Variants in STAT4 observed in about 807,000 individuals in gnomAD.
STAT4 encodes signal transducer and activator of transcription 4.
Under a neutral mutation model 110.5 loss-of-function variants are expected in STAT4, and 42 were observed. The observed-to-expected ratio is 0.38, with a 90% confidence interval of 0.30 to 0.49. The LOEUF (loss-of-function observed/expected upper bound fraction) is 0.49, where lower values mean the gene tolerates loss of function less well. STAT4 is among the 20% of genes least tolerant of loss of function. The pLI is 0.95. For missense variants in STAT4, 632 were observed against 887.9 expected (o/e 0.71, Z 3.66); for synonymous variants, 284 against 302.2 (o/e 0.94, Z 0.63).
intron 3 of STAT4, among the ~76,000 whole-genome samples, chr2:191,094,309 GA>G (rs1241997463): frequency 6.6e-6 from 1 of 152,232 alleles, no homozygotes; most frequent in Admixed American, 6.5e-5. Context: ...AAGTTGAAAT[GA>G]AGGATAAATT....
intron 14 of STAT4, among the ~76,000 whole-genome samples, chr2:191,047,970 G>A (rs1696396995): frequency 6.6e-6 from 1 of 152,124 alleles, no homozygotes; most frequent in Non-Finnish European, 1.5e-5. Flanking sequence ...CTGGTCTATA[G>A]TTTAATTTCT....
At position 191,135,278 on chromosome 2, in the gene STAT4, C is replaced by G. The variant is rs1466977511; in HGVS notation, c.273+11335G>C. On this transcript the variant is annotated intron_variant, in intron 3 of 23. Transcript: ENST00000392320. The surrounding 1 kb of genome is among the most constrained non-coding windows in gnomAD (Gnocchi z 4.8). ...ATCAGAGACAATTATGAAAAATACA[C>G]TAACAAGCTGGAAAACCTAGAAGAA... Among the ~76,000 whole-genome samples, 1 of 152,088 alleles carries G rather than the reference C, an allele frequency of 6.6e-6. No homozygotes were observed. Among genetic ancestry groups the G allele is most frequent in the Non-Finnish European group, 1.5e-5 (1 of 67,994 alleles).
chr2:191,077,285 T>G lies in STAT4; in HGVS notation c.274-960A>C, dbSNP rs192204770. ...CCAGGGTTGACACAGTGCCTACCAG[T>G]GAGTGTCCCAAGCACTCATTTACCT... On this transcript the variant is annotated intron_variant, in intron 3 of 23. Coordinates refer to ENST00000392320, the MANE Select transcript of STAT4 (RefSeq NM_003151.4). The surrounding 1 kb of genome is among the most constrained non-coding windows in gnomAD (Gnocchi z 4.1). Among the ~76,000 whole-genome samples the G allele has an allele frequency of 1.4e-3, 212 of 152,310 alleles. 1 individual carries two copies. The highest frequency in any genetic ancestry group is 0.011 in the Admixed American group (164 of 15,294).
rs372439532 is a variant in STAT4, at chr2:191,046,261, G to A, written c.1252-5113C>T. 9.2e-5 allele frequency among the ~76,000 whole-genome samples: 14 copies of A among 152,276 alleles called. No homozygotes were observed. The highest frequency in any genetic ancestry group is 3.4e-4 in the African/African-American group (14 of 41,552). ...TAACAAACTGTTAACATATGTTCTA[G>A]CCTCCTGCCTTGACATATCCTTCAC... On this transcript the variant is annotated intron_variant, in intron 14 of 23. Coordinates refer to ENST00000392320, the MANE Select transcript of STAT4 (RefSeq NM_003151.4). This position sits in a 1 kb window ranked among gnomAD's most constrained non-coding sequence, Gnocchi z 4.6.
intron 14 of STAT4, among the ~76,000 whole-genome samples, chr2:191,048,506 T>A (rs1696415804): frequency 6.6e-6 from 1 of 151,650 alleles, no homozygotes; most frequent in African/African-American, 2.4e-5. Flanking sequence ...CCGGGCACAG[T>A]GGCTCACGCC....
intron 3 of STAT4, among the ~76,000 whole-genome samples, chr2:191,081,246 G>A (rs898103789): frequency 6.6e-6 from 1 of 152,172 alleles, no homozygotes; most frequent in East Asian, 1.9e-4. Context: ...TATCATTGAT[G>A]AGCATCTGGG....
intron 6 of STAT4, among the ~76,000 whole-genome samples, chr2:191,067,169 G>A (rs1162277969): frequency 1.3e-5 from 2 of 151,146 alleles, no homozygotes; most frequent in African/African-American, 2.4e-5. Context: ...TTTTTTACAG[G>A]GTGATACATG....
Position 191,147,425 on chromosome 2 carries a change from G to A in STAT4, c.128+651C>T, listed in dbSNP as rs970562555. On this transcript the variant is annotated intron_variant, in intron 2 of 23. Transcript: ENST00000392320. This position sits in a 1 kb window ranked among gnomAD's most constrained non-coding sequence, Gnocchi z 4.1. ...TCAGTTACAAAAGGAAAAATATTGT[G>A]TGATTCCAATTATCTAAAGTACCTA... Among the ~76,000 whole-genome samples the A allele has an allele frequency of 6.6e-6, 1 of 152,150 alleles. No homozygotes were observed. The highest frequency in any genetic ancestry group is 2.4e-5 in the African/African-American group (1 of 41,438).
chr2:191,049,860 A>G (rs546646314), intron 14 of STAT4, among the ~76,000 whole-genome samples: 1 of 152,292 alleles, frequency 6.6e-6, no homozygotes, highest in South Asian at 2.1e-4. Flanking sequence ...GGTTTTAGTA[A>G]TATTTTTGTA....
intron 3 of STAT4, among the ~76,000 whole-genome samples, chr2:191,128,703 G>A (rs1168291284): frequency 3.3e-5 from 5 of 152,110 alleles, no homozygotes; most frequent in Non-Finnish European, 7.4e-5. Context: ...TGACACCCAT[G>A]CCCCCTCACT....
intron 14 of STAT4, chr2:191,041,755 G>C (rs1050761948): frequency 1.3e-5 from 2 of 152,262 alleles, no homozygotes; most frequent in African/African-American, 4.8e-5. Context: ...AAAGCACTGA[G>C]CTCCCTGAGG....
In STAT4 at chr2:191,042,460, T is replaced by C. The variant is rs1253216441; in HGVS notation, c.1252-1312A>G. Among the ~76,000 whole-genome samples the C allele has an allele frequency of 6.6e-6, 1 of 152,222 alleles. No individual in the cohort carries two copies. Among genetic ancestry groups the C allele is most frequent in the Non-Finnish European group, 1.5e-5 (1 of 68,036 alleles). ...TAATGGGAAGATAGTGCTTAGATACTGATTTGAACAAACCAACTGTCAAAT... is the reference window on the plus strand; with the variant it reads ...TAATGGGAAGATAGTGCTTAGATACCGATTTGAACAAACCAACTGTCAAAT... On this transcript the variant is annotated intron_variant, in intron 14 of 23. Coordinates refer to ENST00000392320, the MANE Select transcript of STAT4 (RefSeq NM_003151.4). The surrounding 1 kb of genome is among the most constrained non-coding windows in gnomAD (Gnocchi z 4.2).
rs1427304229 is a variant in STAT4 at position 191,104,359 on chromosome 2, TCTCA to T, written c.274-28038_274-28035del. The stretch of plus-strand genomic sequence containing the variant: ...TGAATTAGTTTTTCCCACGTTTAGT[TCTCA>T]CTAACATTTATTTTCTAGGAGAAGA... On this transcript the variant is annotated intron_variant, in intron 3 of 23. Coordinates refer to ENST00000392320, the MANE Select transcript of STAT4 (RefSeq NM_003151.4). The surrounding 1 kb of genome is among the most constrained non-coding windows in gnomAD (Gnocchi z 4.3). Among the ~76,000 whole-genome samples the T allele has an allele frequency of 9.9e-5, 15 of 152,164 alleles. No homozygotes were observed. Among genetic ancestry groups the T allele is most frequent in the Non-Finnish European group, 1.5e-4 (10 of 68,020 alleles).
At chr2:191,148,293 T>C in intron 1 of STAT4, 89 bp from the exon 2 acceptor site, 2 of 1,451,854 alleles carry the variant, frequency 1.4e-6, no homozygotes, top group Non-Finnish European at 1.9e-6. Flanking sequence ...TAGTCAATGT[T>C]ATGACTGAAT....
chr2:191,098,491 T>C (rs997624857), intron 3 of STAT4, among the ~76,000 whole-genome samples: 1 of 152,160 alleles, frequency 6.6e-6, no homozygotes, highest in African/African-American at 2.4e-5. Flanking sequence ...GAAACCCTCA[T>C]TCTGAGCAAA....
At chr2:191,141,203 C>T (rs938620443) in intron 3 of STAT4, among the ~76,000 whole-genome samples, 2 of 151,630 alleles carry the variant, frequency 1.3e-5, no homozygotes, top group African/African-American at 4.8e-5. Flanking sequence ...ATCCATGTAA[C>T]CAAAAACCAC....
rs190041380 is a variant in STAT4 at position 191,058,366 on chromosome 2, T to C, written c.1095-147A>G. The C allele has an allele frequency of 4.1e-4, 336 of 821,580 alleles. No individual in the cohort carries two copies. The African/African-American group carries it at 5.1e-3, about 13-fold the overall frequency. 50.9% of individuals were successfully genotyped at this position (821,580 alleles called of 1,614,324 possible). On this transcript the variant is annotated intron_variant, in intron 11 of 23. Coordinates refer to ENST00000392320, the MANE Select transcript of STAT4 (RefSeq NM_003151.4). The surrounding 1 kb of genome is among the most constrained non-coding windows in gnomAD (Gnocchi z 4.3). ...AGGCTGGAGTGCAGTGGTGCAATCTTGGCTCACTACAACCTCTGCCCCCTG... is the reference window on the plus strand; with the variant it reads ...AGGCTGGAGTGCAGTGGTGCAATCTCGGCTCACTACAACCTCTGCCCCCTG...
chr2:191,047,661 GTTTAA>G (rs1696387117), intron 14 of STAT4, among the ~76,000 whole-genome samples: 3 of 151,944 alleles, frequency 2.0e-5, no homozygotes, highest in Non-Finnish European at 4.4e-5. Flanking sequence ...AGCCTCTATA[GTTTAA>G]TTTCTTTTTT....
Position 191,144,049 on chromosome 2 carries a change from T to G in STAT4, c.273+2564A>C, listed in dbSNP as rs550862769. On this transcript the variant is annotated intron_variant, in intron 3 of 23. Transcript: ENST00000392320. The surrounding 1 kb of genome is among the most constrained non-coding windows in gnomAD (Gnocchi z 4.7). ...ATATGGAAGCACAAGAAAGAGCAAG[T>G]GTTTTTTTCAACTCAAATATCTTAA... Among the ~76,000 whole-genome samples the G allele has an allele frequency of 2.6e-5, 4 of 152,168 alleles. No homozygotes were observed. Among genetic ancestry groups the G allele is most frequent in the Non-Finnish European group, 5.9e-5 (4 of 68,030 alleles).
Sources: allele counts gnomAD v4.1 joint callset (sites outside exome capture counted in the v4.1 genomes callset), GRCh38; gene constraint gnomAD v4.1.1; non-coding constraint Gnocchi (gnomAD v3.1); transcripts MANE v1.5; gene names NCBI Gene and HGNC (gene_info 2026-07-23, HGNC 2026-07-21).